ATXN2: variants seen among roughly 807,000 people sequenced by gnomAD.
The protein encoded by ATXN2 is ataxin-2.
ATXN2 carries 37 observed loss-of-function variants against 138.6 expected under a neutral mutation model. The observed-to-expected ratio is 0.27, with a 90% CI of 0.21 to 0.35. The LOEUF is 0.35. ATXN2 is among the 10% of genes least tolerant of loss of function. The probability of loss-of-function intolerance (pLI) is 1.00; values close to 1 mark genes in which losing one functional copy is unlikely to be tolerated. For synonymous variants in ATXN2, 549 were observed against 543.7 expected, an observed-to-expected ratio of 1.01 and a Z score of -0.13; for missense variants, 1,216 against 1,480.3, an observed-to-expected ratio of 0.82 and a Z score of 2.93.
chr12:111,505,271 A>G (rs1469403406), intron 14 of ATXN2, among the ~76,000 whole-genome samples: 1 of 152,236 alleles, frequency 6.6e-6, no homozygotes, highest in Non-Finnish European at 1.5e-5. Context: ...AAAAAAACCC[A>G]GAAGAGTAAT....
chr12:111,533,231 T>G (rs1301072743), intron 5 of ATXN2, among the ~76,000 whole-genome samples: 2 of 152,206 alleles, frequency 1.3e-5, no homozygotes, highest in Non-Finnish European at 1.5e-5. Flanking sequence ...AATGATCCAT[T>G]TGAAAATAAA....
chr12:111,562,234 G>A (rs1291106629), intron 1 of ATXN2, among the ~76,000 whole-genome samples: 1 of 151,948 alleles, frequency 6.6e-6, no homozygotes, highest in Non-Finnish European at 1.5e-5. Context: ...CGGAGTTCAA[G>A]ACCATCCTGA....
chr12:111,546,813 C>G (rs1194095604), intron 5 of ATXN2, among the ~76,000 whole-genome samples: 1 of 152,158 alleles, frequency 6.6e-6, no homozygotes, highest in African/African-American at 2.4e-5. Flanking sequence ...TCAGATCTGT[C>G]TGCACTGGAA....
At chr12:111,524,395 G>C (rs1880363601) in intron 6 of ATXN2, among the ~76,000 whole-genome samples, 1 of 152,066 alleles carries the variant, frequency 6.6e-6, no homozygotes, top group Non-Finnish European at 1.5e-5. Flanking sequence ...CTCATTTTTG[G>C]CAAGACACTT....
At position 111,516,402 on chromosome 12, in the gene ATXN2, A is replaced by C. The variant is rs1879858332; in HGVS notation, c.1166-39T>G. 6.7e-7 allele frequency: 1 copy of C among 1,497,356 alleles called. No individual in the cohort carries two copies. Among genetic ancestry groups the C allele is most frequent in the African/African-American group, 1.4e-5 (1 of 70,100 alleles). The allele number at this position is 1,497,356 out of a possible 1,614,324, so 92.8% of individuals were successfully genotyped here. ...TGATATGAAGGAAAGTATAAAAACT[A>C]AAGAAAAAAATGAGGGAAAAAAGTA... On this transcript the variant is annotated intron_variant, in intron 9 of 24. Transcript: ENST00000673436. The surrounding 1 kb of genome is among the most constrained non-coding windows in gnomAD (Gnocchi z 5.0).
At chr12:111,520,854 A>G in intron 7 of ATXN2, 28 bp downstream of exon 7, 2 of 1,359,436 alleles carry the variant, frequency 1.5e-6, no homozygotes, top group East Asian at 2.4e-5. Context: ...CAAATGCACT[A>G]AAATAAAAAC....
intron 14 of ATXN2, among the ~76,000 whole-genome samples, chr12:111,498,174 CA>C (rs1376269764): frequency 3.9e-5 from 6 of 152,158 alleles, no homozygotes; most frequent in Admixed American, 2.0e-4. Flanking sequence ...CAAGGATGCC[CA>C]CTTTCACCAT....
intron 1 of ATXN2, among the ~76,000 whole-genome samples, chr12:111,562,089 G>T (rs997237497): frequency 1.1e-4 from 17 of 151,474 alleles, no homozygotes; most frequent in Non-Finnish European, 2.4e-4. Flanking sequence ...GGGATTACAG[G>T]TGTGAGCCAC....
chr12:111,481,663 TTTA>T lies in ATXN2; in HGVS notation c.2524+3599_2524+3601del, dbSNP rs888757230. Among the ~76,000 whole-genome samples the T allele has an allele frequency of 5.9e-5, 9 of 152,018 alleles. No homozygotes were observed. In the South Asian group the frequency reaches 8.3e-4, roughly 14 times the overall value. ...AATCTAAGGCCACATGAAAAAAAAT[TTTA>T]TTTTTTATTTTTTGAGACTCACTCT... On this transcript the variant is annotated intron_variant, in intron 18 of 24. Transcript: ENST00000673436.
chr12:111,593,539 T>C (rs533160377), intron 1 of ATXN2, among the ~76,000 whole-genome samples: 1 of 151,686 alleles, frequency 6.6e-6, no homozygotes, highest in Admixed American at 6.6e-5. Flanking sequence ...AGGAACACCA[T>C]GACTGATCCC....
At chr12:111,522,730 T>C (rs1327370493) in intron 6 of ATXN2, among the ~76,000 whole-genome samples, 1 of 151,438 alleles carries the variant, frequency 6.6e-6, no homozygotes, top group Non-Finnish European at 1.5e-5. Flanking sequence ...CTGGCCAACA[T>C]GTTGAAACCC....
rs1243693048 is a variant in ATXN2, at chr12:111,581,852, C to T, written c.251+16932G>A. 2.0e-5 allele frequency: 6 copies of T among 303,334 alleles called. No individual in the cohort carries two copies. In the Admixed American group the frequency reaches 2.8e-4, roughly 14 times the overall value. The allele number at this position is 303,334 out of a possible 1,614,324, so 18.8% of individuals were successfully genotyped here. Reference sequence around the variant, plus strand: ...CCATGTACTCCATCCACCCTCCATTCCTCGCCCTGCCCCCAGAGCCAAGTT... The same window carrying T: ...CCATGTACTCCATCCACCCTCCATTTCTCGCCCTGCCCCCAGAGCCAAGTT... On this transcript the variant is annotated intron_variant, in intron 1 of 24. Transcript: ENST00000673436.
chr12:111,590,580 G>A (rs1377715808), intron 1 of ATXN2, among the ~76,000 whole-genome samples: 4 of 151,956 alleles, frequency 2.6e-5, no homozygotes, highest in African/African-American at 9.7e-5. Context: ...AACTACATGG[G>A]AGGCTAAGGC....
intron 5 of ATXN2, among the ~76,000 whole-genome samples, chr12:111,525,559 TCTAAA>T (rs1880440320): frequency 6.6e-6 from 1 of 152,220 alleles, no homozygotes; most frequent in Admixed American, 6.5e-5. Context: ...TAAACTGCTA[TCTAAA>T]CTGATACGGA....
At chr12:111,533,153 G>A (rs1328598582) in intron 5 of ATXN2, among the ~76,000 whole-genome samples, 1 of 152,204 alleles carries the variant, frequency 6.6e-6, no homozygotes, top group East Asian at 1.9e-4. Flanking sequence ...CTACAACGCC[G>A]TGGAGGTGAA....
chr12:111,572,086 A>G (rs1566072059), intron 1 of ATXN2, among the ~76,000 whole-genome samples: 1 of 151,364 alleles, frequency 6.6e-6, no homozygotes, highest in East Asian at 2.0e-4. Flanking sequence ...GGGACTGTAT[A>G]TGGACTGCAA....
intron 14 of ATXN2, among the ~76,000 whole-genome samples, chr12:111,495,156 A>C (rs1878331537): frequency 6.6e-6 from 1 of 152,016 alleles, no homozygotes; most frequent in South Asian, 2.1e-4. Flanking sequence ...AAATACAAAA[A>C]ATTTAGCTGG....
intron 14 of ATXN2, among the ~76,000 whole-genome samples, chr12:111,506,312 T>G (rs367765144): frequency 6.6e-6 from 1 of 152,162 alleles, no homozygotes; most frequent in Non-Finnish European, 1.5e-5. Context: ...TTGTACAACA[T>G]TGTGAATATT....
At chr12:111,578,740 CA>C (rs1883822038) in intron 1 of ATXN2, among the ~76,000 whole-genome samples, 1 of 152,048 alleles carries the variant, frequency 6.6e-6, no homozygotes, top group Non-Finnish European at 1.5e-5. Context: ...TAGGGAAATG[CA>C]AATTAAAACC....
Sources: allele counts gnomAD v4.1 joint callset (sites outside exome capture counted in the v4.1 genomes callset), GRCh38; gene constraint gnomAD v4.1.1; non-coding constraint Gnocchi (gnomAD v3.1); transcripts MANE v1.5; gene names NCBI Gene and HGNC (gene_info 2026-07-23, HGNC 2026-07-21).